Variants in RLF observed in about 807,000 individuals in gnomAD.
The protein encoded by RLF is zinc finger protein Rlf.
RLF carries 7 observed loss-of-function variants against 162.9 expected under a neutral mutation model. The ratio of observed to expected loss-of-function variants is 0.04; its 90% CI spans 0.02 to 0.08. The LOEUF (loss-of-function observed/expected upper bound fraction) is 0.08, where lower values mean the gene tolerates loss of function less well. Among genes scored for constraint, RLF ranks in the 10% least tolerant of loss-of-function variants. The probability of loss-of-function intolerance (pLI) is 1.00; values close to 1 mark genes in which losing one functional copy is unlikely to be tolerated. For synonymous variants in RLF, 782 were observed against 791.5 expected (o/e 0.99, Z 0.20); for missense variants, 1,664 against 2,244.7 (o/e 0.74, Z 5.23).
At chr1:40,205,738 G>T (rs762959977) in intron 5 of RLF, among the ~76,000 whole-genome samples, 2 of 151,998 alleles carry the variant, frequency 1.3e-5, no homozygotes, top group Non-Finnish European at 2.9e-5. Context: ...TGATCCGCTC[G>T]CCTCTGTTTC....
intron 1 of RLF, among the ~76,000 whole-genome samples, chr1:40,173,018 T>C (rs1570515382): frequency 2.0e-5 from 3 of 152,184 alleles, no homozygotes. Context: ...TTTGACAATC[T>C]GATAGGAAAG....
chr1:40,229,173 A>G (rs761337608), intron 6 of RLF, among the ~76,000 whole-genome samples: 6 of 152,186 alleles, frequency 3.9e-5, no homozygotes, highest in Non-Finnish European at 4.4e-5. Flanking sequence ...GTTCTGTTCA[A>G]ATAGGACAGA....
chr1:40,206,103 T>C (rs555978982), intron 5 of RLF, among the ~76,000 whole-genome samples: 86 of 152,306 alleles, frequency 5.6e-4, no homozygotes, highest in African/African-American at 2.0e-3. Flanking sequence ...ATTGCCTAAT[T>C]ACCATCTCTA....
At position 40,237,118 on chromosome 1, in the gene RLF, C is replaced by T; in HGVS notation, c.2416C>T (p.Leu806Phe). 1 of 1,614,106 alleles carries T rather than the reference C, an allele frequency of 6.2e-7. No individual in the cohort carries two copies. Among genetic ancestry groups the T allele is most frequent in the Non-Finnish European group, 8.5e-7 (1 of 1,179,998 alleles). Residue 806 changes from leucine to phenylalanine, a missense_variant, in exon 8 of 8, where the codon CTT (leucine) becomes TTT (phenylalanine). Physicochemically the swap from Leu to Phe is conservative, Grantham distance 22 (BLOSUM62 0). Transcript: ENST00000372771. The surrounding 1 kb of genome is among the most constrained non-coding windows in gnomAD (Gnocchi z 4.4). ...GGATGCATCTTACACATGCAACTTC[C>T]TTGGCTGTAAAAAGTTCTATTACTC... ...FRDASYTCNF[L>F]GCKKFYYSKI...
intron 1 of RLF, among the ~76,000 whole-genome samples, chr1:40,176,679 A>G (rs2124528077): frequency 6.6e-6 from 1 of 152,236 alleles, no homozygotes; most frequent in South Asian, 2.1e-4. Context: ...TTGGTCTCAA[A>G]CGATCCTCCC....
rs143091606 is a variant in RLF at position 40,227,909 on chromosome 1, A to G, written c.948-3608A>G. Among the ~76,000 whole-genome samples, 636 of 152,250 alleles carry G rather than the reference A, an allele frequency of 4.2e-3. 6 individuals carry two copies. The highest frequency in any genetic ancestry group is 0.015 in the African/African-American group (607 of 41,558). Reference sequence around the variant, plus strand: ...TCACAGCTACTAGGGAGGCTGAGGCAGGAGAATCGCTTGAACCTGGGTGGC... The same window carrying G: ...TCACAGCTACTAGGGAGGCTGAGGCGGGAGAATCGCTTGAACCTGGGTGGC... On this transcript the variant is annotated intron_variant, in intron 6 of 7. Coordinates refer to ENST00000372771, the MANE Select transcript of RLF (RefSeq NM_012421.4).
chr1:40,212,870 A>T (rs1263283514), intron 5 of RLF, among the ~76,000 whole-genome samples: 3 of 152,204 alleles, frequency 2.0e-5, no homozygotes, highest in African/African-American at 7.2e-5. Flanking sequence ...GGAGTAGAAG[A>T]AAAAGTAAAC....
intron 3 of RLF, among the ~76,000 whole-genome samples, chr1:40,192,162 T>C (rs1642568435): frequency 2.0e-5 from 3 of 152,206 alleles, no homozygotes; most frequent in Admixed American, 6.5e-5. Context: ...AGTCCTAATA[T>C]CTCACATATC....
chr1:40,195,661 G>A lies in RLF; in HGVS notation c.504G>A (p.Gly168=). 6.2e-7 allele frequency: 1 copy of A among 1,612,496 alleles called. No individual in the cohort carries two copies. Among genetic ancestry groups the A allele is most frequent in the Non-Finnish European group, 8.5e-7 (1 of 1,178,976 alleles). Residue 168 remains glycine, a synonymous_variant, in exon 4 of 8, where the codon GGG becomes GGA. Transcript: ENST00000372771. ...CACATGATGCATTATTGGAATTTGG[G>A]AATAATAACCTACAAATATTGGTTC... ...QESHDALLEF[G]NNNLQILVHV...
At chr1:40,206,579 C>T (rs965319799) in intron 5 of RLF, among the ~76,000 whole-genome samples, 5 of 152,156 alleles carry the variant, frequency 3.3e-5, no homozygotes, top group Non-Finnish European at 4.4e-5. Context: ...TAAAACTTGT[C>T]GTGCCATGCC....
Position 40,236,447 on chromosome 1 carries a change from A to T in RLF, c.1745A>T (p.Tyr582Phe). 6.2e-7 allele frequency: 1 copy of T among 1,614,094 alleles called. No individual in the cohort carries two copies. Among genetic ancestry groups the T allele is most frequent in the Non-Finnish European group, 8.5e-7 (1 of 1,179,998 alleles). The change falls in exon 8 of 8, where the codon TAC (tyrosine) becomes TTC (phenylalanine). Residue 582 changes from tyrosine (Y) to phenylalanine (F), a missense_variant. Tyr to Phe is a conservative substitution (Grantham distance 22). Coordinates refer to ENST00000372771, the MANE Select transcript of RLF (RefSeq NM_012421.4). The surrounding 1 kb of genome is among the most constrained non-coding windows in gnomAD (Gnocchi z 7.7). ...HSKMHMEDGI[Y>F]TCPVCIKKFK... is the part of the protein sequence containing the mutation. ...AAGATGCATATGGAAGATGGAATTTACACCTGTCCAGTTTGTATTAAAAAA... is the reference window on the plus strand; with the variant it reads ...AAGATGCATATGGAAGATGGAATTTTCACCTGTCCAGTTTGTATTAAAAAA...
At chr1:40,200,275 A>C (rs996824085) in intron 4 of RLF, among the ~76,000 whole-genome samples, 1 of 152,238 alleles carries the variant, frequency 6.6e-6, no homozygotes, top group Non-Finnish European at 1.5e-5. Context: ...AAATTGGTAC[A>C]ATTTTTGGAG....
At chr1:40,232,216 T>A (rs180761042) in intron 7 of RLF, among the ~76,000 whole-genome samples, 12,523 of 140,768 alleles carry the variant, frequency 0.089, 776 homozygotes, top group African/African-American at 0.19. Context: ...TTTTTTTTTT[T>A]AAAAAAAAAA....
chr1:40,224,623 C>CTTTTTTTTTTT (rs1168908018), intron 6 of RLF, among the ~76,000 whole-genome samples: 12 of 33,262 alleles, frequency 3.6e-4, no homozygotes, highest in East Asian at 1.4e-3. Context: ...TTTTTGAAAG[C>CTTTTTTTTTTT]TTTTTTTTTT....
At chr1:40,205,617 G>A (rs183685055) in intron 5 of RLF, among the ~76,000 whole-genome samples, 1 of 151,050 alleles carries the variant, frequency 6.6e-6, no homozygotes, top group African/African-American at 2.4e-5. Flanking sequence ...AGCCTCCCGA[G>A]TAGCTGGGAC....
Position 40,238,567 on chromosome 1 carries a change from G to A in RLF, c.3865G>A (p.Gly1289Ser), listed in dbSNP as rs1557763867. ...AGAACAAGAAGGAAGAGAGGGCAGA[G>A]GTAGCAGGCGAACTGTTGCTAAAGG... ...REEQEGREGRGSRRTVAKGNL... is the reference protein window; with the variant it reads ...REEQEGREGRSSRRTVAKGNL... The change falls in exon 8 of 8, where the codon GGT becomes AGT. Residue 1289 changes from glycine to serine, a missense_variant. Around this residue, in one of 15 missense-constraint regions of RLF, gnomAD observed 102 missense variants for 109.5 expected, o/e 0.93. Coordinates refer to ENST00000372771, the MANE Select transcript of RLF (RefSeq NM_012421.4). The surrounding 1 kb of genome is among the most constrained non-coding windows in gnomAD (Gnocchi z 5.2). 1.2e-6 allele frequency: 2 copies of A among 1,613,772 alleles called. No individual in the cohort carries two copies. Among genetic ancestry groups the A allele is most frequent in the South Asian group, 1.1e-5 (1 of 91,084 alleles).
At position 40,189,098 on chromosome 1, in the gene RLF, T is replaced by C. The variant is rs1369960043; in HGVS notation, c.281T>C (p.Ile94Thr). The C allele has an allele frequency of 5.0e-6, 8 of 1,610,970 alleles. No individual in the cohort carries two copies. Among genetic ancestry groups the C allele is most frequent in the East Asian group, 2.2e-5 (1 of 44,872 alleles). ...YASNKNASEH[I>T]VYLLEVYRLA... is the part of the protein sequence containing the mutation. ...AGCAACAAGAATGCATCAGAACATA[T>C]TGTGTATCTTCTGGAGGTATATCGA... The change falls in exon 2 of 8, where the codon ATT becomes ACT. Residue 94 changes from isoleucine to threonine, a missense_variant. Physicochemically the swap from Ile to Thr is moderately conservative, Grantham distance 89. Coordinates refer to ENST00000372771, the MANE Select transcript of RLF (RefSeq NM_012421.4).
At chr1:40,169,161 T>C in intron 1 of RLF, among the ~76,000 whole-genome samples, 1 of 152,192 alleles carries the variant, frequency 6.6e-6, no homozygotes, top group East Asian at 1.9e-4. Context: ...TGATTTTTCA[T>C]TTTACAGACA....
At chr1:40,213,805 A>G (rs1374848705) in intron 5 of RLF, among the ~76,000 whole-genome samples, 1 of 152,270 alleles carries the variant, frequency 6.6e-6, no homozygotes, top group Non-Finnish European at 1.5e-5. Context: ...TACTGCATTG[A>G]AAACCACTAT....
Sources: gnomAD v4.1 joint callset for allele counts (sites outside exome capture counted in the v4.1 genomes callset) on GRCh38, gnomAD v4.1.1 for gene constraint, gnomAD v4.1.1 regional missense constraint, Gnocchi (gnomAD v3.1) non-coding constraint, MANE v1.5 for transcripts, NCBI Gene and HGNC (gene_info 2026-07-23, HGNC 2026-07-21) for gene names.